Variants in GUCY1A2 observed in about 807,000 individuals in gnomAD.
GUCY1A2 encodes guanylate cyclase soluble subunit alpha-2.
Under a neutral mutation model 63.5 loss-of-function variants are expected in GUCY1A2, and 27 were observed. The ratio of observed to expected loss-of-function variants is 0.43; its 90% CI spans 0.31 to 0.59. The LOEUF is 0.59. Ranked by LOEUF, GUCY1A2 falls within the 20% of genes least tolerant of loss-of-function variation. The pLI is 0.11. For missense variants in GUCY1A2, 768 were observed against 913.3 expected, an observed-to-expected ratio of 0.84 and a Z score of 2.05; for synonymous variants, 364 against 343.5, an observed-to-expected ratio of 1.06 and a Z score of -0.66.
At chr11:106,867,286 ATCAGCCTGCTG>A (rs1859607942) in intron 4 of GUCY1A2, among the ~76,000 whole-genome samples, 1 of 152,118 alleles carries the variant, frequency 6.6e-6, no homozygotes, top group African/African-American at 2.4e-5. Context: ...AAAGATATTT[ATCAGCCTGCTG>A]TCACAATCTC....
At chr11:106,709,684 A>G (rs868105305) in intron 6 of GUCY1A2, among the ~76,000 whole-genome samples, 6 of 56,004 alleles carry the variant, frequency 1.1e-4, no homozygotes, top group African/African-American at 5.6e-4. Context: ...ATAGTTATAT[A>G]TTATATACAC....
chr11:106,886,204 T>C (rs1289092292), intron 4 of GUCY1A2, among the ~76,000 whole-genome samples: 1 of 152,170 alleles, frequency 6.6e-6, no homozygotes, highest in Non-Finnish European at 1.5e-5. Context: ...TGGAATATAA[T>C]TTAAAATGTC....
intron 2 of GUCY1A2, among the ~76,000 whole-genome samples, chr11:106,984,543 T>C (rs904579359): frequency 1.3e-5 from 2 of 152,244 alleles, no homozygotes; most frequent in East Asian, 1.9e-4. Context: ...CTTGAAGGTA[T>C]ACTTTAGTTC....
chr11:106,888,519 G>A (rs151112724), intron 4 of GUCY1A2, among the ~76,000 whole-genome samples: 29 of 152,126 alleles, frequency 1.9e-4, no homozygotes, highest in Non-Finnish European at 3.5e-4. Context: ...ATTTCACAGG[G>A]TTTGAATGAG....
intron 1 of GUCY1A2, among the ~76,000 whole-genome samples, 181 bp from the exon 2 acceptor site, chr11:106,986,312 C>T (rs1343211000): frequency 6.6e-6 from 1 of 152,128 alleles, no homozygotes. Flanking sequence ...ATGAGGCACT[C>T]GGCAATTACC....
chr11:107,013,337 A>G (rs1478356136), intron 1 of GUCY1A2, among the ~76,000 whole-genome samples: 1 of 152,232 alleles, frequency 6.6e-6, no homozygotes, highest in Non-Finnish European at 1.5e-5. Flanking sequence ...GGCTGACACC[A>G]GCAAACCCAA....
chr11:106,913,611 G>T (rs886930249), intron 4 of GUCY1A2, among the ~76,000 whole-genome samples: 1 of 151,946 alleles, frequency 6.6e-6, no homozygotes, highest in African/African-American at 2.4e-5. Flanking sequence ...GATTTGGAAG[G>T]GTCAAACAAA....
intron 4 of GUCY1A2, among the ~76,000 whole-genome samples, chr11:106,848,476 A>G (rs1464309579): frequency 6.6e-6 from 1 of 151,722 alleles, no homozygotes; most frequent in African/African-American, 2.4e-5. Flanking sequence ...TAGTGATATT[A>G]CAAAGCTCAA....
chr11:106,688,686 G>A (rs1862570448), intron 7 of GUCY1A2, among the ~76,000 whole-genome samples: 1 of 152,002 alleles, frequency 6.6e-6, no homozygotes. Context: ...AACGTAATAG[G>A]CTAGATGCCA....
intron 1 of GUCY1A2, among the ~76,000 whole-genome samples, chr11:107,010,481 G>A (rs947533728): frequency 6.6e-6 from 1 of 152,156 alleles, no homozygotes. Flanking sequence ...AAGAGTCCAA[G>A]GAGGAGGATA....
intron 1 of GUCY1A2, among the ~76,000 whole-genome samples, chr11:107,009,952 C>A (rs982475365): frequency 6.6e-6 from 1 of 152,160 alleles, no homozygotes; most frequent in African/African-American, 2.4e-5. Flanking sequence ...CTGGAACTAT[C>A]CAACCAGATC....
rs79288374 is a variant in GUCY1A2 at position 106,766,988 on chromosome 11, G to A, written c.1836+9451C>T. 8.1e-3 allele frequency among the ~76,000 whole-genome samples: 1,229 copies of A among 152,004 alleles called. 20 individuals carry two copies. Among genetic ancestry groups the A allele is most frequent in the African/African-American group, 0.026 (1,093 of 41,480 alleles). On this transcript the variant is annotated intron_variant, in intron 6 of 7. Coordinates refer to ENST00000526355, the MANE Select transcript of GUCY1A2 (RefSeq NM_000855.3). The stretch of plus-strand genomic sequence containing the variant: ...ATAAACGTCAGATAAATAAAAACAC[G>A]AGCTTCCTAACTGCTTGGAAGTCTC...
In GUCY1A2 at chr11:106,939,770, G is replaced by C. The variant is rs1430883301; in HGVS notation, c.896C>G (p.Thr299Ser). The C allele has an allele frequency of 1.1e-5, 18 of 1,613,950 alleles. No homozygotes were observed. Among genetic ancestry groups the C allele is most frequent in the Non-Finnish European group, 1.4e-5 (17 of 1,179,806 alleles). ...CTGTGGAAGGTTCTTCATGATATTA[G>C]TATTTTCACATTCTTTGATAAGGAA... is the stretch of plus-strand genomic sequence containing the variant. ...LTFLIKECEN[T>S]NIMKNLPQGT... The change falls in exon 4 of 8, where the codon ACT becomes AGT. Residue 299 changes from threonine (T) to serine (S), a missense_variant. Coordinates refer to ENST00000526355, the MANE Select transcript of GUCY1A2 (RefSeq NM_000855.3).
intron 5 of GUCY1A2, among the ~76,000 whole-genome samples, chr11:106,785,005 CTG>C (rs1328447415): frequency 2.0e-5 from 3 of 152,198 alleles, no homozygotes; most frequent in African/African-American, 7.2e-5. Context: ...AGAGAAGAAT[CTG>C]TGTACATAGG....
At chr11:106,870,975 A>C (rs765151291) in intron 4 of GUCY1A2, among the ~76,000 whole-genome samples, 2 of 152,094 alleles carry the variant, frequency 1.3e-5, no homozygotes, top group African/African-American at 2.4e-5. Context: ...TTACAGTGAT[A>C]TTTTCATTGG....
intron 6 of GUCY1A2, among the ~76,000 whole-genome samples, chr11:106,723,905 A>T (rs1273346522): frequency 8.9e-6 from 1 of 112,442 alleles, no homozygotes; most frequent in Non-Finnish European, 1.8e-5. Context: ...TTTGAATTAG[A>T]TATTTGAAAT....
At chr11:106,845,313 T>C (rs895096025) in intron 4 of GUCY1A2, among the ~76,000 whole-genome samples, 32 of 151,382 alleles carry the variant, frequency 2.1e-4, no homozygotes, top group African/African-American at 7.7e-4. Context: ...TTTCCAATAA[T>C]AGAGTAGGAA....
intron 4 of GUCY1A2, among the ~76,000 whole-genome samples, chr11:106,901,260 A>C (rs1034697543): frequency 6.6e-6 from 1 of 152,166 alleles, no homozygotes; most frequent in Non-Finnish European, 1.5e-5. Flanking sequence ...GTGAGAGTGC[A>C]TCTATGTAGT....
intron 5 of GUCY1A2, among the ~76,000 whole-genome samples, chr11:106,782,913 T>G (rs1401423457): frequency 6.6e-6 from 1 of 152,192 alleles, no homozygotes; most frequent in African/African-American, 2.4e-5. Flanking sequence ...ACTGTTTATG[T>G]CCCTGTGTTG....
Sources: gnomAD v4.1 joint callset for allele counts (sites outside exome capture counted in the v4.1 genomes callset) on GRCh38, gnomAD v4.1.1 for gene constraint, MANE v1.5 for transcripts, NCBI Gene and HGNC (gene_info 2026-07-23, HGNC 2026-07-21) for gene names.